The following PLCXD2 variants were observed in gnomAD, a reference collection of about 807,000 sequenced individuals.
PLCXD2 encodes PI-PLC X domain-containing protein 2.
A neutral mutation model predicts 28.6 loss-of-function variants in PLCXD2; 21 were observed. That is an observed-to-expected ratio of 0.73 (90% confidence interval 0.52 to 1.06). The LOEUF (loss-of-function observed/expected upper bound fraction) is 1.06, where lower values mean the gene tolerates loss of function less well. Ranked by LOEUF, PLCXD2 falls within the 50% of genes least tolerant of loss-of-function variation. PLCXD2 has a pLI of 0.00. For missense variants in PLCXD2, 369 were observed against 376.7 expected (o/e 0.98, Z 0.17); for synonymous variants, 140 against 150.1 (o/e 0.93, Z 0.49).
chr3:111,706,467 C>T (rs980918575), intron 1 of PLCXD2, among the ~76,000 whole-genome samples: 6 of 151,980 alleles, frequency 3.9e-5, no homozygotes, highest in African/African-American at 1.5e-4. Flanking sequence ...TGAAGCATTT[C>T]TTCTATGTTT....
At chr3:111,717,683 T>TA (rs1427930091) in intron 3 of PLCXD2, among the ~76,000 whole-genome samples, 2 of 152,158 alleles carry the variant, frequency 1.3e-5, no homozygotes, top group African/African-American at 4.8e-5. Context: ...TGACTGGAGT[T>TA]ACAAGCCTTT....
chr3:111,693,833 C>A (rs1000232946), intron 1 of PLCXD2, among the ~76,000 whole-genome samples: 1 of 152,064 alleles, frequency 6.6e-6, no homozygotes, highest in African/African-American at 2.4e-5. Context: ...GTGGTATTAT[C>A]CCACTCCCCA....
chr3:111,686,296 T>A (rs892591924), intron 1 of PLCXD2, among the ~76,000 whole-genome samples: 1 of 152,210 alleles, frequency 6.6e-6, no homozygotes, highest in Non-Finnish European at 1.5e-5. Context: ...GAGATGCACC[T>A]TGGCTTCTCA....
intron 1 of PLCXD2, among the ~76,000 whole-genome samples, chr3:111,688,981 T>A (rs1287490874): frequency 6.6e-6 from 1 of 152,108 alleles, no homozygotes; most frequent in East Asian, 1.9e-4. Flanking sequence ...GGGACATTTT[T>A]AAAAAATGAA....
At chr3:111,695,582 T>C (rs190073221) in intron 1 of PLCXD2, among the ~76,000 whole-genome samples, 2 of 152,366 alleles carry the variant, frequency 1.3e-5, no homozygotes, top group Admixed American at 1.3e-4. Context: ...TAAGAACTCA[T>C]CATTAGTATT....
rs754981611 is a variant in PLCXD2 at position 111,714,056 on chromosome 3, C to A, written c.794C>A (p.Ala265Glu). Reference sequence around the variant, plus strand: ...CGGGGCTCCTTCCATGTCTCCCAAGCGATCCTCACCCCCAGAGTGAAGACC... The same window carrying A: ...CGGGGCTCCTTCCATGTCTCCCAAGAGATCCTCACCCCCAGAGTGAAGACC... The change falls in exon 3 of 5, where the codon GCG becomes GAG. Residue 265 changes from alanine to glutamate, a missense_variant. Physicochemically the swap from Ala to Glu is moderately radical, Grantham distance 107. Transcript: ENST00000477665. 3.1e-6 allele frequency: 5 copies of A among 1,614,132 alleles called. No homozygotes were observed. The South Asian group carries it at 4.4e-5, about 14-fold the overall frequency.
chr3:111,694,833 G>A (rs755162195), intron 1 of PLCXD2, among the ~76,000 whole-genome samples: 1 of 152,146 alleles, frequency 6.6e-6, no homozygotes, highest in African/African-American at 2.4e-5. Context: ...GTCTGAGAGT[G>A]GACATTCATG....
rs116544168 is a variant in PLCXD2 at position 111,691,976 on chromosome 3, A to C, written c.164-15950A>C. On this transcript the variant is annotated intron_variant, in intron 1 of 4. Coordinates refer to ENST00000477665, the MANE Select transcript of PLCXD2 (RefSeq NM_001185106.1). ...TCAGGCAAGAGCCCCCACCAGGGTT[A>C]TAAAAAAGTTAATGTTAAAAGAGCT... 5.7e-3 allele frequency among the ~76,000 whole-genome samples: 865 copies of C among 152,366 alleles called. 5 individuals are homozygous for C. Among genetic ancestry groups the C allele is most frequent in the African/African-American group, 0.019 (809 of 41,576 alleles).
At chr3:111,713,857 G>A (rs1433870545) in intron 2 of PLCXD2, 30 bp from the exon 3 acceptor site, 1 of 1,598,620 alleles carries the variant, frequency 6.3e-7, no homozygotes, top group East Asian at 2.2e-5. Flanking sequence ...TTTATGGATT[G>A]CTCTCCTTTT....
intron 3 of PLCXD2, among the ~76,000 whole-genome samples, chr3:111,714,572 G>A (rs1427272281): frequency 1.3e-5 from 2 of 152,188 alleles, no homozygotes; most frequent in African/African-American, 2.4e-5. Context: ...AGTCACTGAA[G>A]AAGCAGCTTA....
At chr3:111,719,736 G>A (rs1018378630) in intron 3 of PLCXD2, among the ~76,000 whole-genome samples, 2 of 152,196 alleles carry the variant, frequency 1.3e-5, no homozygotes, top group African/African-American at 4.8e-5. Context: ...GTTGCCTCTG[G>A]GAGAATGGGG....
chr3:111,687,897 T>C (rs1051177213), intron 1 of PLCXD2, among the ~76,000 whole-genome samples: 1 of 152,226 alleles, frequency 6.6e-6, no homozygotes, highest in African/African-American at 2.4e-5. Flanking sequence ...GGTCTCAAAC[T>C]CCTGAGCTCA....
intron 3 of PLCXD2, among the ~76,000 whole-genome samples, chr3:111,716,994 A>G (rs1024292704): frequency 1.3e-5 from 2 of 152,210 alleles, no homozygotes; most frequent in Admixed American, 6.5e-5. Context: ...CTCAGGAGAC[A>G]TGAAATCTGA....
chr3:111,689,854 C>T lies in PLCXD2; in HGVS notation c.163+14446C>T, dbSNP rs566323085. On this transcript the variant is annotated intron_variant, in intron 1 of 4. Coordinates refer to ENST00000477665, the MANE Select transcript of PLCXD2 (RefSeq NM_001185106.1). ...CCTAAGGTAAGACAAAATCTTATAA[C>T]TGCATTGCAGTCTTCTCAAGATGCC... 1.9e-4 allele frequency among the ~76,000 whole-genome samples: 29 copies of T among 152,318 alleles called. 1 individual carries two copies. The South Asian group carries it at 6.0e-3, about 32-fold the overall frequency.
intron 1 of PLCXD2, among the ~76,000 whole-genome samples, chr3:111,695,101 A>C (rs990796684): frequency 6.6e-6 from 1 of 151,392 alleles, no homozygotes; most frequent in Admixed American, 6.6e-5. Context: ...TTAAAATCCA[A>C]GCACTTTTAG....
intron 1 of PLCXD2, among the ~76,000 whole-genome samples, chr3:111,695,686 GGTGTTTGA>G (rs1353151001): frequency 2.0e-5 from 3 of 152,094 alleles, no homozygotes; most frequent in Non-Finnish European, 4.4e-5. Context: ...TGGTTATATT[GGTGTTTGA>G]GTGTTTTAAT....
chr3:111,678,388 A>T (rs1462188235), intron 1 of PLCXD2, among the ~76,000 whole-genome samples: 1 of 152,242 alleles, frequency 6.6e-6, no homozygotes, highest in East Asian at 1.9e-4. Context: ...TTTAAATTAA[A>T]GCTTTAAACT....
At position 111,714,132 on chromosome 3, in the gene PLCXD2, A is replaced by G. The variant is rs1437073477; in HGVS notation, c.866+4A>G. ...TCAAGAACACGCTGGTTCATAGGTA[A>G]GAATTTGCTTCCACCCCACAAGGAA... On this transcript the variant is annotated splice_donor_region_variant and intron_variant, in intron 3 of 4. Transcript: ENST00000477665. The G allele has an allele frequency of 3.7e-6, 6 of 1,612,036 alleles. No individual in the cohort carries two copies. In the East Asian group the frequency reaches 6.7e-5, roughly 18 times the overall value.
intron 3 of PLCXD2, among the ~76,000 whole-genome samples, chr3:111,715,878 A>G (rs1317007314): frequency 6.6e-6 from 1 of 152,188 alleles, no homozygotes; most frequent in Non-Finnish European, 1.5e-5. Context: ...TAGTACCTGA[A>G]TCTGGTAATA....
Sources: allele counts gnomAD v4.1 joint callset (sites outside exome capture counted in the v4.1 genomes callset), GRCh38; gene constraint gnomAD v4.1.1; transcripts MANE v1.5; gene names NCBI Gene and HGNC (gene_info 2026-07-23, HGNC 2026-07-21).